The following SGO2 variants were observed in gnomAD, a reference collection of about 807,000 sequenced individuals.
SGO2 encodes the protein shugoshin-like 2.
In SGO2, 68 loss-of-function variants were observed where a neutral mutation model predicts 99.5. The ratio of observed to expected loss-of-function variants is 0.68; its 90% CI spans 0.56 to 0.84. The LOEUF is 0.84. Ranked by LOEUF, SGO2 falls within the 40% of genes least tolerant of loss-of-function variation. The pLI, the probability that SGO2 is intolerant of heterozygous loss-of-function variation, is 0.00. For synonymous variants in SGO2, 457 were observed against 487.1 expected (o/e 0.94, Z 0.81); for missense variants, 1,350 against 1,436.7 (o/e 0.94, Z 0.97).
intron 5 of SGO2, among the ~76,000 whole-genome samples, chr2:200,560,047 G>A (rs2032880745): frequency 6.6e-6 from 1 of 152,100 alleles, no homozygotes; most frequent in African/African-American, 2.4e-5. Flanking sequence ...TATGGCAGCT[G>A]TGTCTAGTTT....
chr2:200,567,862 A>G (rs1267732881), intron 5 of SGO2, among the ~76,000 whole-genome samples: 4 of 152,210 alleles, frequency 2.6e-5, no homozygotes, highest in South Asian at 2.1e-4. Flanking sequence ...TCATCAATCA[A>G]TGGACATTTG....
intron 1 of SGO2, among the ~76,000 whole-genome samples, chr2:200,530,471 TGAA>T (rs2031318552): frequency 1.3e-5 from 2 of 152,204 alleles, no homozygotes; most frequent in Admixed American, 1.3e-4. Context: ...GCTGGATACA[TGAA>T]TCCAGTGTTC....
Position 200,575,411 on chromosome 2 carries a change from CAGA to C in SGO2, c.3741_3743del (p.Arg1248del), listed in dbSNP as rs772681886. ...AAGATCTATCTTCAGAACGGACAAG[CAGA>C]AGAAGAAGGTGTACTCCTTTCTATT... On this transcript the variant is annotated inframe_deletion, in exon 8 of 9. Coordinates refer to ENST00000357799, the MANE Select transcript of SGO2 (RefSeq NM_152524.6). The C allele has an allele frequency of 2.0e-5, 32 of 1,603,372 alleles. No individual in the cohort carries two copies. In the Admixed American group the frequency reaches 2.5e-4, roughly 13 times the overall value.
At chr2:200,541,528 C>T (rs371621262) in intron 4 of SGO2, among the ~76,000 whole-genome samples, 2 of 152,238 alleles carry the variant, frequency 1.3e-5, no homozygotes, top group South Asian at 4.1e-4. Flanking sequence ...TGTGGCTCTG[C>T]ATGGCCTGCT....
rs1290990697 is a variant in SGO2 at position 200,579,608 on chromosome 2, T to A, written c.3783-3841T>A. Among the ~76,000 whole-genome samples, 4 of 152,360 alleles carry A rather than the reference T, an allele frequency of 2.6e-5. No individual in the cohort carries two copies. The East Asian group carries it at 5.8e-4, about 22-fold the overall frequency. On this transcript the variant is annotated intron_variant, in intron 8 of 8. Transcript: ENST00000357799. ...TTGTCAAAGGCTTGTTCAGCATTTA[T>A]GAAGATAGTAATATACTTCATTTAC...
At chr2:200,582,766 G>T (rs1035725917) in intron 8 of SGO2, among the ~76,000 whole-genome samples, 14 of 151,990 alleles carry the variant, frequency 9.2e-5, no homozygotes, top group Admixed American at 6.6e-5. Context: ...ACATACACAG[G>T]GGAACAAGGT....
chr2:200,553,365 T>C (rs953679782), intron 5 of SGO2, among the ~76,000 whole-genome samples: 6 of 152,278 alleles, frequency 3.9e-5, no homozygotes, highest in Non-Finnish European at 8.8e-5. Flanking sequence ...CTGATTCCAA[T>C]ATGTGCCCAG....
Position 200,571,294 on chromosome 2 carries a change from T to A in SGO2, c.948T>A (p.Asn316Lys). Residue 316 changes from asparagine to lysine, a missense_variant, in exon 7 of 9, where the codon AAT becomes AAA. Asn to Lys is a moderately conservative substitution (Grantham distance 94, BLOSUM62 0). Coordinates refer to ENST00000357799, the MANE Select transcript of SGO2 (RefSeq NM_152524.6). ...ATAATGAGATAAATGGTCATACTAA[T>A]GAAACAAATACTGAAATGCAAAGAA... is the stretch of plus-strand genomic sequence containing the variant. ...NCNNEINGHT[N>K]ETNTEMQRNK... is the part of the protein sequence containing the mutation. 6.2e-7 allele frequency: 1 copy of A among 1,613,134 alleles called. No individual in the cohort carries two copies. The highest frequency in any genetic ancestry group is 1.1e-5 in the South Asian group (1 of 90,994).
intron 8 of SGO2, chr2:200,580,429 C>A (rs4674194): frequency 2.5e-6 from 1 of 404,378 alleles, no homozygotes; most frequent in Admixed American, 3.0e-5. Context: ...ACTTCACTGA[C>A]TTCTGCTTCA....
chr2:200,566,512 G>A (rs749819701), intron 5 of SGO2, among the ~76,000 whole-genome samples: 3 of 152,220 alleles, frequency 2.0e-5, no homozygotes, highest in Non-Finnish European at 2.9e-5. Context: ...AGGCTACTCA[G>A]GGGTCAGGGA....
intron 5 of SGO2, among the ~76,000 whole-genome samples, chr2:200,561,555 A>G (rs1434526235): frequency 6.6e-6 from 1 of 152,048 alleles, no homozygotes; most frequent in Non-Finnish European, 1.5e-5. Context: ...ATGATTTATA[A>G]TCCTTTGGGT....
At chr2:200,554,973 T>A (rs1289482088) in intron 5 of SGO2, among the ~76,000 whole-genome samples, 1 of 152,188 alleles carries the variant, frequency 6.6e-6, no homozygotes, top group African/African-American at 2.4e-5. Flanking sequence ...ATGTTCAATT[T>A]ATGGAAAGAC....
At chr2:200,553,045 T>C (rs1184091403) in intron 5 of SGO2, among the ~76,000 whole-genome samples, 1 of 152,116 alleles carries the variant, frequency 6.6e-6, no homozygotes, top group Non-Finnish European at 1.5e-5. Flanking sequence ...ATAGGGGTGA[T>C]AATATTCCTG....
At position 200,573,877 on chromosome 2, in the gene SGO2, C is replaced by G; in HGVS notation, c.3531C>G (p.Ala1177=). Residue 1177 remains alanine (A), a synonymous_variant, in exon 7 of 9, where the codon GCC becomes GCG. Transcript: ENST00000357799. ...GKNVIIKENF[A]LECSPAFQVS... ...ATGTGATAATAAAAGAAAATTTTGC[C>G]TTGGAGTGCTCCCCAGCCTTTCAAG... 6.2e-7 allele frequency: 1 copy of G among 1,613,090 alleles called. No homozygotes were observed. Among genetic ancestry groups the G allele is most frequent in the South Asian group, 1.1e-5 (1 of 91,004 alleles).
chr2:200,579,419 A>G (rs1013884317), intron 8 of SGO2, among the ~76,000 whole-genome samples: 2 of 152,216 alleles, frequency 1.3e-5, no homozygotes, highest in African/African-American at 2.4e-5. Flanking sequence ...AATAGTAGGC[A>G]TGCTTGCCTT....
chr2:200,577,944 C>G (rs1372160539), intron 8 of SGO2, among the ~76,000 whole-genome samples: 1 of 152,106 alleles, frequency 6.6e-6, no homozygotes, highest in African/African-American at 2.4e-5. Context: ...AAGTCACAAT[C>G]TTTTCCTCTA....
chr2:200,572,000 C>G lies in SGO2; in HGVS notation c.1654C>G (p.Gln552Glu), dbSNP rs1553562703. 17 of 1,611,072 alleles carry G rather than the reference C, an allele frequency of 1.1e-5. No individual in the cohort carries two copies. The South Asian group carries it at 1.8e-4, about 17-fold the overall frequency. The change falls in exon 7 of 9, where the codon CAA (glutamine) becomes GAA (glutamate). Residue 552 changes from glutamine to glutamate, a missense_variant. Physicochemically the swap from Gln to Glu is conservative, Grantham distance 29 (BLOSUM62 2). Transcript: ENST00000357799. ...AGAAAAAGATAACTTACTCCCAAAC[C>G]AAAAGGATAAAGTAACCATTTATGA... is the stretch of plus-strand genomic sequence containing the variant. ...KLEKDNLLPN[Q>E]KDKVTIYENL...
rs1441878486 is a variant in SGO2 at position 200,526,618 on chromosome 2, TAGGG to T, written c.-3+368_-3+371del. On this transcript the variant is annotated intron_variant, in intron 1 of 8. Transcript: ENST00000357799. The surrounding 1 kb of genome is among the most constrained non-coding windows in gnomAD (Gnocchi z 4.8). ...CAGTACGTGTCTGCGGAATGAATGT[TAGGG>T]ACTGCGTGCCAAAGTTCTCGAAGGA... 6.6e-6 allele frequency among the ~76,000 whole-genome samples: 1 copy of T among 152,018 alleles called. No homozygotes were observed. The highest frequency in any genetic ancestry group is 1.5e-5 in the Non-Finnish European group (1 of 67,992).
chr2:200,562,095 A>C (rs896050723), intron 5 of SGO2, among the ~76,000 whole-genome samples: 4 of 152,058 alleles, frequency 2.6e-5, no homozygotes, highest in African/African-American at 9.7e-5. Flanking sequence ...CTTTTGCTGC[A>C]ATTGCTTTTG....
Sources: gnomAD v4.1 joint callset for allele counts (sites outside exome capture counted in the v4.1 genomes callset) on GRCh38, gnomAD v4.1.1 for gene constraint, Gnocchi (gnomAD v3.1) non-coding constraint, MANE v1.5 for transcripts, NCBI Gene and HGNC (gene_info 2026-07-23, HGNC 2026-07-21) for gene names.